The following IGF1R variants were observed in gnomAD, a reference collection of about 807,000 sequenced individuals.
IGF1R encodes insulin-like growth factor 1 receptor.
In IGF1R, 44 loss-of-function variants were observed where a neutral mutation model predicts 144.6. The ratio of observed to expected loss-of-function variants is 0.30; its 90% CI spans 0.24 to 0.39. The LOEUF (loss-of-function observed/expected upper bound fraction) is 0.39. IGF1R is among the 10% of genes least tolerant of loss of function. IGF1R has a pLI of 1.00. For synonymous variants in IGF1R, 795 were observed against 722.8 expected (o/e 1.10, Z -1.60); for missense variants, 1,355 against 1,833.7 (o/e 0.74, Z 4.77).
intron 2 of IGF1R, among the ~76,000 whole-genome samples, chr15:98,855,753 T>C (rs944988196): frequency 1.1e-4 from 16 of 152,174 alleles, no homozygotes; most frequent in African/African-American, 3.9e-4. Flanking sequence ...TTGGGCCAAA[T>C]AGGAAAGTGA....
In IGF1R at chr15:98,962,740, C is replaced by G. The variant is rs985626622; in HGVS notation, c.*5298C>G. On this transcript the variant is annotated 3_prime_UTR_variant, in exon 21 of 21. Coordinates refer to ENST00000650285, the MANE Select transcript of IGF1R (RefSeq NM_000875.5). ...GGGCAAGGTTTTGAACTTGATTGTT[C>G]TTGAAGCTATCAGACCACATCGAGG... 3 of 233,412 alleles carry G rather than the reference C, an allele frequency of 1.3e-5. No homozygotes were observed. The highest frequency in any genetic ancestry group is 4.4e-5 in the African/African-American group (2 of 45,346). 14.5% of individuals were successfully genotyped at this position (233,412 alleles called of 1,614,324 possible). A position where few individuals can be genotyped will look rare whatever the true frequency, so the allele number is the denominator to read the frequency against.
chr15:98,801,765 T>C (rs1240548513), intron 2 of IGF1R, among the ~76,000 whole-genome samples: 1 of 152,214 alleles, frequency 6.6e-6, no homozygotes, highest in Non-Finnish European at 1.5e-5. Flanking sequence ...AAGGTAGACA[T>C]TGAGAACAGA....
chr15:98,667,662 C>G (rs1013516156), intron 1 of IGF1R, among the ~76,000 whole-genome samples: 9 of 152,126 alleles, frequency 5.9e-5, no homozygotes, highest in Non-Finnish European at 8.8e-5. Flanking sequence ...AAGAAGACTT[C>G]GAGGTGGCCG....
chr15:98,710,452 G>A (rs28393695), intron 2 of IGF1R, among the ~76,000 whole-genome samples: 24,386 of 151,936 alleles, frequency 0.16, 4,664 homozygotes, highest in African/African-American at 0.46. Context: ...AGTAAGCCAC[G>A]TGGCTTATTG....
intron 2 of IGF1R, among the ~76,000 whole-genome samples, chr15:98,717,836 TA>T (rs1376555942): frequency 1.3e-5 from 2 of 152,184 alleles, no homozygotes; most frequent in Non-Finnish European, 2.9e-5. Flanking sequence ...TGGTAAAGAT[TA>T]CAAAGATGTG....
Position 98,648,599 on chromosome 15 carries a change from C to G in IGF1R, c.-983C>G, listed in dbSNP as rs1482305597. 6.9e-6 allele frequency among the ~76,000 whole-genome samples: 1 copy of G among 144,380 alleles called. No homozygotes were observed. Among genetic ancestry groups the G allele is most frequent in the African/African-American group, 2.5e-5 (1 of 39,950 alleles). 94.7% of individuals were successfully genotyped at this position (144,380 alleles called of 152,430 possible). On this transcript the variant is annotated 5_prime_UTR_variant, in exon 1 of 21. Transcript: ENST00000650285. ...TGGGGCTCTTGTTTACCAGCATTAA[C>G]TCCGCTGAGCGGAAAAAAAAAGGGA...
intron 2 of IGF1R, among the ~76,000 whole-genome samples, chr15:98,882,385 G>A (rs1488401763): frequency 6.6e-6 from 1 of 152,216 alleles, no homozygotes; most frequent in Non-Finnish European, 1.5e-5. Flanking sequence ...GCACTTCCTG[G>A]AAAGTAATGA....
chr15:98,871,042 G>A (rs868762952), intron 2 of IGF1R, among the ~76,000 whole-genome samples: 1 of 152,202 alleles, frequency 6.6e-6, no homozygotes, highest in Admixed American at 6.5e-5. Flanking sequence ...CCCAGGGCGC[G>A]CATGCACAAA....
intron 20 of IGF1R, among the ~76,000 whole-genome samples, chr15:98,951,477 C>T (rs1256269209): frequency 2.0e-5 from 3 of 152,212 alleles, no homozygotes; most frequent in Non-Finnish European, 4.4e-5. Context: ...AACAAACTAC[C>T]CAAAACCTAC....
At chr15:98,826,667 G>A (rs767369831) in intron 2 of IGF1R, among the ~76,000 whole-genome samples, 1 of 152,192 alleles carries the variant, frequency 6.6e-6, no homozygotes, top group African/African-American at 2.4e-5. Context: ...GGTTCCAAGA[G>A]TACATTTGTA....
At chr15:98,727,429 C>G (rs982861778) in intron 2 of IGF1R, among the ~76,000 whole-genome samples, 1 of 152,012 alleles carries the variant, frequency 6.6e-6, no homozygotes, top group Non-Finnish European at 1.5e-5. Flanking sequence ...GTTGCCTGCC[C>G]GTAGTTTAAT....
chr15:98,950,948 C>T (rs2016749529), intron 20 of IGF1R, among the ~76,000 whole-genome samples: 1 of 152,170 alleles, frequency 6.6e-6, no homozygotes, highest in African/African-American at 2.4e-5. Context: ...CCCTAAGCTC[C>T]TTGTAAATGG....
rs1311150402 is a variant in IGF1R, at chr15:98,957,446, T to G, written c.*4T>G. On this transcript the variant is annotated 3_prime_UTR_variant, in exon 21 of 21. Transcript: ENST00000650285. ...GCCCCAGTCTTCGACCTGCTGATCC[T>G]TGGATCCTGAATCTGTGCAAACAGT... The G allele has an allele frequency of 5.0e-6, 8 of 1,612,874 alleles. No individual in the cohort carries two copies. Among genetic ancestry groups the G allele is most frequent in the Non-Finnish European group, 6.8e-6 (8 of 1,180,040 alleles).
intron 1 of IGF1R, among the ~76,000 whole-genome samples, chr15:98,677,283 C>T (rs1371078940): frequency 2.0e-5 from 3 of 152,294 alleles, no homozygotes; most frequent in Non-Finnish European, 4.4e-5. Context: ...GAGGAAAGCT[C>T]TGGTATTTTC....
chr15:98,808,820 C>T (rs927066752), intron 2 of IGF1R, among the ~76,000 whole-genome samples: 25 of 152,054 alleles, frequency 1.6e-4, no homozygotes. Flanking sequence ...GCTAGGACTA[C>T]AGGTGTGCAC....
intron 1 of IGF1R, among the ~76,000 whole-genome samples, chr15:98,653,128 G>T (rs1232513151): frequency 1.3e-5 from 2 of 151,996 alleles, no homozygotes; most frequent in Non-Finnish European, 2.9e-5. Flanking sequence ...ATTCAATCCC[G>T]CAGTAGAAAT....
At position 98,755,966 on chromosome 15, in the gene IGF1R, G is replaced by A. The variant is rs370255697; in HGVS notation, c.640+47859G>A. 1.1e-4 allele frequency among the ~76,000 whole-genome samples: 17 copies of A among 152,154 alleles called. 1 individual carries two copies. In the South Asian group the frequency reaches 2.3e-3, roughly 20 times the overall value. ...TTTATTTGGTGGTGTAATAAATTAC[G>A]TTGATTAGATTTCCCAATATTGAAT... On this transcript the variant is annotated intron_variant, in intron 2 of 20. Coordinates refer to ENST00000650285, the MANE Select transcript of IGF1R (RefSeq NM_000875.5).
At chr15:98,816,018 T>C (rs1186982053) in intron 2 of IGF1R, among the ~76,000 whole-genome samples, 1 of 152,220 alleles carries the variant, frequency 6.6e-6, no homozygotes, top group Non-Finnish European at 1.5e-5. Flanking sequence ...ATACTCAAGC[T>C]GTGGGGAGGT....
At chr15:98,716,519 G>A (rs139920747) in intron 2 of IGF1R, among the ~76,000 whole-genome samples, 2 of 152,306 alleles carry the variant, frequency 1.3e-5, no homozygotes, top group East Asian at 1.9e-4. Flanking sequence ...GTTCTAATCT[G>A]TACCTGCCAC....
Sources: gnomAD v4.1 joint callset for allele counts (sites outside exome capture counted in the v4.1 genomes callset) on GRCh38, gnomAD v4.1.1 for gene constraint, MANE v1.5 for transcripts, NCBI Gene and HGNC (gene_info 2026-07-23, HGNC 2026-07-21) for gene names.